DLG2: variants seen among roughly 807,000 people sequenced by gnomAD.
DLG2 encodes the protein disks large homolog 2.
DLG2 carries 45 observed loss-of-function variants against 132.5 expected under a neutral mutation model. The ratio of observed to expected loss-of-function variants is 0.34; its 90% CI spans 0.27 to 0.44. DLG2 has a LOEUF of 0.44. Ranked by LOEUF, DLG2 falls within the 20% of genes least tolerant of loss-of-function variation. The probability of loss-of-function intolerance (pLI) is 1.00; values close to 1 mark genes in which losing one functional copy is unlikely to be tolerated. For missense variants in DLG2, 1,045 were observed against 1,196.9 expected (o/e 0.87, Z 1.87); for synonymous variants, 424 against 419.6 (o/e 1.01, Z -0.13).
intron 16 of DLG2, among the ~76,000 whole-genome samples, chr11:83,837,723 CAAAAAAAAAAAAA>C (rs386374350): frequency 6.1e-4 from 28 of 45,952 alleles, no homozygotes; most frequent in African/African-American, 2.6e-3. Context: ...ACATAGCAAG[CAAAAAAAAAAAAA>C]AAAAAAAAAA....
chr11:84,352,289 A>G (rs2098580994), intron 7 of DLG2, among the ~76,000 whole-genome samples: 1 of 152,178 alleles, frequency 6.6e-6, no homozygotes, highest in Non-Finnish European at 1.5e-5. Context: ...TGGGAAAGAC[A>G]AGGAGTTTCC....
intron 6 of DLG2, among the ~76,000 whole-genome samples, chr11:85,089,068 G>C (rs146798427): frequency 4.9e-4 from 74 of 152,200 alleles, no homozygotes; most frequent in African/African-American, 1.8e-3. Flanking sequence ...ACCACTTGAG[G>C]GTCCAAAGTC....
chr11:84,096,558 T>C (rs924388930), intron 10 of DLG2, among the ~76,000 whole-genome samples: 1 of 152,124 alleles, frequency 6.6e-6, no homozygotes, highest in African/African-American at 2.4e-5. Context: ...AGAATTTGGT[T>C]AAAGGGTGGA....
At chr11:84,505,571 T>A (rs1223644023) in intron 7 of DLG2, among the ~76,000 whole-genome samples, 1 of 152,198 alleles carries the variant, frequency 6.6e-6, no homozygotes, top group African/African-American at 2.4e-5. Flanking sequence ...AACATCAGGT[T>A]CCTAATTTGC....
intron 4 of DLG2, among the ~76,000 whole-genome samples, chr11:85,242,610 A>AT (rs1212294027): frequency 2.0e-5 from 3 of 147,538 alleles, no homozygotes; most frequent in African/African-American, 2.5e-5. Context: ...AACCTAATCC[A>AT]TTTTTTTCAG....
At chr11:84,413,906 G>C (rs192184111) in intron 7 of DLG2, among the ~76,000 whole-genome samples, 1 of 152,074 alleles carries the variant, frequency 6.6e-6, no homozygotes, top group Non-Finnish European at 1.5e-5. Context: ...AGCTGGCTGG[G>C]AACCTTCAAT....
In DLG2 at chr11:84,665,335, G is replaced by T. The variant is rs546272725; in HGVS notation, c.358-130604C>A. 2.0e-5 allele frequency among the ~76,000 whole-genome samples: 3 copies of T among 152,220 alleles called. No individual in the cohort carries two copies. The South Asian group carries it at 6.2e-4, about 32-fold the overall frequency. ...AGATGAGGGAATGGAAGCAAAGAAA[G>T]TCAAATAATTTGCACAATATTACAT... On this transcript the variant is annotated intron_variant, in intron 6 of 27. Coordinates refer to ENST00000376104, the MANE Select transcript of DLG2 (RefSeq NM_001142699.3).
At chr11:84,615,830 A>C (rs1192843315) in intron 6 of DLG2, among the ~76,000 whole-genome samples, 3 of 146,614 alleles carry the variant, frequency 2.0e-5, no homozygotes, top group East Asian at 3.9e-4. Flanking sequence ...AAAAAAAAAA[A>C]AAAAAAAAAA....
intron 21 of DLG2, among the ~76,000 whole-genome samples, chr11:83,486,994 A>C (rs2093556983): frequency 1.3e-5 from 2 of 151,986 alleles, no homozygotes; most frequent in Admixed American, 6.6e-5. Context: ...TTTTCTTTTA[A>C]TATAGAAAAT....
At chr11:83,969,092 A>T (rs1252057680) in intron 12 of DLG2, among the ~76,000 whole-genome samples, 3 of 152,208 alleles carry the variant, frequency 2.0e-5, no homozygotes, top group Non-Finnish European at 2.9e-5. Flanking sequence ...TCCAGGAAGT[A>T]GATACTATTA....
chr11:85,355,928 T>A (rs1382565364), intron 3 of DLG2, among the ~76,000 whole-genome samples: 1 of 152,194 alleles, frequency 6.6e-6, no homozygotes, highest in Admixed American at 6.5e-5. Context: ...TATTTACTGA[T>A]CTACCTATCT....
At chr11:85,586,154 A>G (rs745915792) in intron 3 of DLG2, among the ~76,000 whole-genome samples, 1 of 152,124 alleles carries the variant, frequency 6.6e-6, no homozygotes, top group African/African-American at 2.4e-5. Context: ...TTTTGCATCT[A>G]TGTTCATCAG....
At chr11:84,136,749 C>A (rs946247069) in intron 9 of DLG2, among the ~76,000 whole-genome samples, 2 of 152,070 alleles carry the variant, frequency 1.3e-5, no homozygotes, top group Admixed American at 1.3e-4. Context: ...GAGAGCTCTA[C>A]GTGGCATGGG....
At chr11:85,016,229 C>T (rs1431282636) in intron 6 of DLG2, among the ~76,000 whole-genome samples, 1 of 152,026 alleles carries the variant, frequency 6.6e-6, no homozygotes, top group Non-Finnish European at 1.5e-5. Context: ...TTATTATCAG[C>T]CTCAGGTAGT....
intron 3 of DLG2, among the ~76,000 whole-genome samples, chr11:85,364,619 GA>G (rs1196702535): frequency 1.3e-5 from 2 of 151,910 alleles, no homozygotes; most frequent in Non-Finnish European, 2.9e-5. Flanking sequence ...GATCATCTCT[GA>G]AAAAAACCAT....
At chr11:85,000,193 A>T (rs952357864) in intron 6 of DLG2, among the ~76,000 whole-genome samples, 6 of 152,050 alleles carry the variant, frequency 3.9e-5, no homozygotes, top group African/African-American at 1.4e-4. Flanking sequence ...TGCTCATTAT[A>T]AGCCTGCCAA....
intron 14 of DLG2, among the ~76,000 whole-genome samples, chr11:83,962,470 T>C (rs940746033): frequency 3.3e-5 from 5 of 152,016 alleles, no homozygotes; most frequent in Admixed American, 3.3e-4. Context: ...AAAAAGTTTT[T>C]ACATTTACAT....
At chr11:85,478,519 T>G (rs1308300820) in intron 3 of DLG2, among the ~76,000 whole-genome samples, 3 of 152,220 alleles carry the variant, frequency 2.0e-5, no homozygotes, top group Non-Finnish European at 4.4e-5. Flanking sequence ...CTTTGCTTTA[T>G]CTACAATGTG....
chr11:85,535,479 T>C (rs963840223), intron 3 of DLG2, among the ~76,000 whole-genome samples: 3 of 152,188 alleles, frequency 2.0e-5, no homozygotes, highest in African/African-American at 7.2e-5. Flanking sequence ...ATTTTTTAAA[T>C]TCCATCATTA....
Sources: allele counts gnomAD v4.1 joint callset (sites outside exome capture counted in the v4.1 genomes callset), GRCh38; gene constraint gnomAD v4.1.1; transcripts MANE v1.5; gene names NCBI Gene and HGNC (gene_info 2026-07-23, HGNC 2026-07-21).